RDH11: variants seen among roughly 807,000 people sequenced by gnomAD.
RDH11 encodes retinol dehydrogenase 11.
Under a neutral mutation model 33.4 loss-of-function variants are expected in RDH11, and 19 were observed. The ratio of observed to expected loss-of-function variants is 0.57; its 90% CI spans 0.40 to 0.83. The LOEUF is 0.83. RDH11 is among the 40% of genes least tolerant of loss of function. The probability of loss-of-function intolerance (pLI) is 0.00; values close to 1 mark genes in which losing one functional copy is unlikely to be tolerated. For missense variants in RDH11, 353 were observed against 389.0 expected, an observed-to-expected ratio of 0.91 and a Z score of 0.78; for synonymous variants, 154 against 155.3, an observed-to-expected ratio of 0.99 and a Z score of 0.06.
At chr14:67,689,630 T>A (rs1594851398) in intron 5 of RDH11, among the ~76,000 whole-genome samples, 2 of 152,200 alleles carry the variant, frequency 1.3e-5, no homozygotes, top group Admixed American at 1.3e-4. Flanking sequence ...CCCATTTACA[T>A]ATGAAGAAGG....
At position 67,695,716 on chromosome 14, in the gene RDH11, CA is replaced by C. The variant is rs746867660; in HGVS notation, c.-14del. 1.9e-6 allele frequency: 3 copies of C among 1,613,106 alleles called. No homozygotes were observed. On this transcript the variant is annotated 5_prime_UTR_variant, in exon 1 of 7. Transcript: ENST00000381346. ...TGAGCTCAACCATCTCTGCCGGCTG[CA>C]GCGGCACCAGAGCGGGATGCTCCAG...
chr14:67,685,448 G>A (rs2037666308), intron 5 of RDH11, among the ~76,000 whole-genome samples: 1 of 152,132 alleles, frequency 6.6e-6, no homozygotes, highest in South Asian at 2.1e-4. Flanking sequence ...GGAATCAGCA[G>A]AGCCAAGACT....
intron 5 of RDH11, among the ~76,000 whole-genome samples, chr14:67,689,926 C>CA (rs1181236817): frequency 8.6e-5 from 13 of 151,276 alleles, no homozygotes; most frequent in African/African-American, 2.7e-4. Context: ...GCATGGGTGA[C>CA]AGAGCAAGAT....
At chr14:67,683,821 T>A (rs1375577343) in intron 6 of RDH11, among the ~76,000 whole-genome samples, 1 of 152,216 alleles carries the variant, frequency 6.6e-6, no homozygotes, top group Admixed American at 6.5e-5. Context: ...TCCCTACTAA[T>A]ATTTTAATAA....
At chr14:67,685,467 C>T (rs2037666608) in intron 5 of RDH11, among the ~76,000 whole-genome samples, 1 of 152,188 alleles carries the variant, frequency 6.6e-6, no homozygotes, top group Admixed American at 6.5e-5. Flanking sequence ...CTCATCCTCT[C>T]AGCAGCACTT....
At chr14:67,685,238 A>T in intron 5 of RDH11, 34 bp from the exon 6 acceptor site, 1 of 1,573,424 alleles carries the variant, frequency 6.4e-7, no homozygotes, top group Non-Finnish European at 8.6e-7. Flanking sequence ...AGGGTAAGAC[A>T]GGACTTGATT....
intron 2 of RDH11, 155 bp downstream of exon 2, chr14:67,692,779 T>C (rs2037767638): frequency 6.9e-6 from 6 of 867,060 alleles, no homozygotes; most frequent in South Asian, 3.4e-5. Flanking sequence ...GTCCATTATA[T>C]GTAGAGCATA....
chr14:67,683,205 A>C (rs957014916), intron 6 of RDH11, among the ~76,000 whole-genome samples: 1 of 152,220 alleles, frequency 6.6e-6, no homozygotes, highest in Admixed American at 6.5e-5. Context: ...AGGCTCTTCA[A>C]AAGTCAATCC....
At position 67,695,758 on chromosome 14, in the gene RDH11, A is replaced by T. The variant is rs1027509409; in HGVS notation, c.-55T>A. The T allele has an allele frequency of 8.4e-6, 13 of 1,543,722 alleles. No homozygotes were observed. The highest frequency in any genetic ancestry group is 1.2e-5 in the Non-Finnish European group (13 of 1,120,242). ...GATGCTCCAGCGTTGCTCGCCGACT[A>T]TGGCTTCTCTTTCTAGACACGCCCC... On this transcript the variant is annotated 5_prime_UTR_variant, in exon 1 of 7. Transcript: ENST00000381346.
Sources: allele counts gnomAD v4.1 joint callset (sites outside exome capture counted in the v4.1 genomes callset), GRCh38; gene constraint gnomAD v4.1.1; transcripts MANE v1.5; gene names NCBI Gene and HGNC (gene_info 2026-07-23, HGNC 2026-07-21).